The following ANKS1B variants were observed in gnomAD, a reference collection of about 807,000 sequenced individuals.
ANKS1B encodes ankyrin repeat and sterile alpha motif domain-containing protein 1B.
In ANKS1B, 36 loss-of-function variants were observed where a neutral mutation model predicts 148.3. The observed-to-expected ratio is 0.24, with a 90% CI of 0.19 to 0.32. The LOEUF (loss-of-function observed/expected upper bound fraction) is 0.32, where lower values mean the gene tolerates loss of function less well. Among genes scored for constraint, ANKS1B ranks in the 10% least tolerant of loss-of-function variants. The pLI is 1.00. For synonymous variants in ANKS1B, 542 were observed against 560.8 expected (o/e 0.97, Z 0.47); for missense variants, 1,157 against 1,542.6 (o/e 0.75, Z 4.19).
At chr12:99,563,926 C>G (rs549677580) in intron 9 of ANKS1B, among the ~76,000 whole-genome samples, 1 of 152,260 alleles carries the variant, frequency 6.6e-6, no homozygotes, top group South Asian at 2.1e-4. Context: ...TGTACTTACC[C>G]TCTGCCACTT....
intron 1 of ANKS1B, among the ~76,000 whole-genome samples, chr12:99,847,861 TC>T (rs1167746380): frequency 2.0e-5 from 3 of 152,060 alleles, no homozygotes; most frequent in Non-Finnish European, 4.4e-5. Context: ...ACAAATTCAG[TC>T]CATGGTTGAA....
At chr12:98,826,750 C>T (rs2099251815) in intron 19 of ANKS1B, among the ~76,000 whole-genome samples, 1 of 152,134 alleles carries the variant, frequency 6.6e-6, no homozygotes, top group Admixed American at 6.5e-5. Flanking sequence ...GGGAGAAACT[C>T]CTTGGGAAAG....
chr12:99,002,789 G>T (rs1192617531), intron 17 of ANKS1B, among the ~76,000 whole-genome samples: 1 of 152,008 alleles, frequency 6.6e-6, no homozygotes, highest in Non-Finnish European at 1.5e-5. Context: ...TTCTATGGTA[G>T]TTTTTTTCAT....
intron 9 of ANKS1B, among the ~76,000 whole-genome samples, chr12:99,617,521 C>G (rs572514859): frequency 1.3e-5 from 2 of 152,106 alleles, no homozygotes; most frequent in Non-Finnish European, 2.9e-5. Context: ...TCATTCTCAG[C>G]AAACTAACAC....
chr12:99,154,875 G>A (rs557644421), intron 14 of ANKS1B: 1 of 1,534,650 alleles, frequency 6.5e-7, no homozygotes, highest in Non-Finnish European at 8.7e-7. Flanking sequence ...CCCAGCCCAG[G>A]CTACACCTCG....
intron 19 of ANKS1B, 88 bp from the exon 20 acceptor site, chr12:98,808,006 T>C (rs1183053428): frequency 9.9e-7 from 1 of 1,007,114 alleles, no homozygotes; most frequent in Non-Finnish European, 1.5e-6. Flanking sequence ...AAGAGGAAAA[T>C]AATAAAATGC....
chr12:99,730,784 A>G (rs2059062217), intron 8 of ANKS1B, among the ~76,000 whole-genome samples: 1 of 152,164 alleles, frequency 6.6e-6, no homozygotes. Flanking sequence ...TCAGTTCCCC[A>G]TAGAGTCTTG....
chr12:99,881,282 T>A (rs1365468129), intron 1 of ANKS1B, among the ~76,000 whole-genome samples: 1 of 152,230 alleles, frequency 6.6e-6, no homozygotes, highest in African/African-American at 2.4e-5. Flanking sequence ...TTATTACTTA[T>A]GTTTTCTCTC....
intron 8 of ANKS1B, among the ~76,000 whole-genome samples, chr12:99,718,052 C>T (rs1173987821): frequency 3.3e-5 from 5 of 151,494 alleles, no homozygotes; most frequent in Admixed American, 1.3e-4. Context: ...TACAGGCGCC[C>T]GCTACCACGC....
intron 26 of ANKS1B, among the ~76,000 whole-genome samples, chr12:98,748,636 G>A (rs1330589479): frequency 6.6e-6 from 1 of 152,194 alleles, no homozygotes; most frequent in Non-Finnish European, 1.5e-5. Flanking sequence ...AGGGATCACT[G>A]AATATTTCTT....
intron 10 of ANKS1B, among the ~76,000 whole-genome samples, chr12:99,481,013 A>T (rs1318545694): frequency 8.6e-5 from 13 of 150,858 alleles, no homozygotes; most frequent in African/African-American, 3.2e-4. Context: ...TTTTACTGTT[A>T]AGAGCAAATG....
At position 99,792,881 on chromosome 12, in the gene ANKS1B, A is replaced by T. The variant is rs189196896; in HGVS notation, c.670-10784T>A. Among the ~76,000 whole-genome samples the T allele has an allele frequency of 1.5e-3, 225 of 152,156 alleles. 2 individuals carry two copies. Among genetic ancestry groups the T allele is most frequent in the Middle Eastern group, 0.01 (3 of 294 alleles). ...CAAGAGAAAGACATAAAGGGCATCC[A>T]AATTGGAAAGGAAGAAGTCAAATTA... On this transcript the variant is annotated intron_variant, in intron 4 of 26. Transcript: ENST00000683438.
rs542680821 is a variant in ANKS1B, at chr12:99,852,264, C to T, written c.135-26875G>A. On this transcript the variant is annotated intron_variant, in intron 1 of 26. Coordinates refer to ENST00000683438, the MANE Select transcript of ANKS1B (RefSeq NM_001352186.2). ...ACCAAAATAATGTAAGCTAACCTGA[C>T]ACTTATGGTATTAATTACCAAATCT... Among the ~76,000 whole-genome samples the T allele has an allele frequency of 3.3e-5, 5 of 152,202 alleles. No individual in the cohort carries two copies. The East Asian group carries it at 9.6e-4, about 29-fold the overall frequency.
intron 10 of ANKS1B, among the ~76,000 whole-genome samples, chr12:99,490,253 G>A (rs1417606733): frequency 6.6e-6 from 1 of 152,226 alleles, no homozygotes; most frequent in Non-Finnish European, 1.5e-5. Context: ...GTTCTGAACA[G>A]TAAAAGGAAA....
intron 15 of ANKS1B, among the ~76,000 whole-genome samples, chr12:99,123,906 T>C (rs1021235930): frequency 6.6e-5 from 10 of 152,226 alleles, no homozygotes; most frequent in South Asian, 2.1e-4. Flanking sequence ...GAACAATACA[T>C]TGCATCCTTC....
At chr12:99,020,071 CTT>C (rs78780839) in intron 17 of ANKS1B, among the ~76,000 whole-genome samples, 22 of 147,816 alleles carry the variant, frequency 1.5e-4, no homozygotes, top group South Asian at 2.1e-4. Flanking sequence ...CTCCATCTTT[CTT>C]TTTTTTTTTG....
At chr12:99,927,705 C>T (rs2094506998) in intron 1 of ANKS1B, among the ~76,000 whole-genome samples, 1 of 151,884 alleles carries the variant, frequency 6.6e-6, no homozygotes, top group Admixed American at 6.6e-5. Flanking sequence ...TCACTTGGGC[C>T]CAGGAGTTTG....
In ANKS1B at chr12:99,444,132, A is replaced by G. The variant is rs573775272; in HGVS notation, c.1439-323T>C. Among the ~76,000 whole-genome samples, 3 of 152,078 alleles carry G rather than the reference A, an allele frequency of 2.0e-5. No individual in the cohort carries two copies. In the South Asian group the frequency reaches 6.2e-4, roughly 31 times the overall value. On this transcript the variant is annotated intron_variant, in intron 10 of 26. Transcript: ENST00000683438. Reference sequence around the variant, plus strand: ...GAATAACTAAAACCTTACCTTAACTAAAAAGAATATAATTTTATGATATGA... The same window carrying G: ...GAATAACTAAAACCTTACCTTAACTGAAAAGAATATAATTTTATGATATGA...
chr12:99,461,514 C>G (rs2095969591), intron 10 of ANKS1B, among the ~76,000 whole-genome samples: 1 of 152,104 alleles, frequency 6.6e-6, no homozygotes, highest in Non-Finnish European at 1.5e-5. Flanking sequence ...TTCATTCTTC[C>G]ACATGACAGT....
Sources: allele counts gnomAD v4.1 joint callset (sites outside exome capture counted in the v4.1 genomes callset), GRCh38; gene constraint gnomAD v4.1.1; transcripts MANE v1.5; gene names NCBI Gene and HGNC (gene_info 2026-07-23, HGNC 2026-07-21).